Variants in MAPK8 observed in about 807,000 individuals in gnomAD.
The protein encoded by MAPK8 is mitogen-activated protein kinase 8.
MAPK8 carries 13 observed loss-of-function variants against 52.9 expected under a neutral mutation model. The ratio of observed to expected loss-of-function variants is 0.25; its 90% CI spans 0.16 to 0.39. MAPK8 has a LOEUF of 0.39. Ranked by LOEUF, MAPK8 falls within the 10% of genes least tolerant of loss-of-function variation. MAPK8 has a pLI of 1.00. For missense variants in MAPK8, 300 were observed against 519.2 expected, an observed-to-expected ratio of 0.58 and a Z score of 4.10; for synonymous variants, 191 against 169.8, an observed-to-expected ratio of 1.12 and a Z score of -0.97.
Position 48,329,451 on chromosome 10 carries a change from C to T in MAPK8, c.-50+22630C>T, listed in dbSNP as rs533273758. On this transcript the variant is annotated intron_variant, in intron 1 of 11. Transcript: ENST00000374189. The stretch of plus-strand genomic sequence containing the variant: ...AGTTAGTTGGCCCTTTGCTGCAACT[C>T]TGGCCATGAGACAACGTTATCTTGA... 4.6e-5 allele frequency among the ~76,000 whole-genome samples: 7 copies of T among 151,958 alleles called. No homozygotes were observed. The South Asian group carries it at 1.5e-3, about 32-fold the overall frequency.
In MAPK8 at chr10:48,438,547, G is replaced by T. The variant is rs1564642145; in HGVS notation, c.*3518G>T. 1 of 152,158 alleles carries T rather than the reference G, an allele frequency of 6.6e-6. No individual in the cohort carries two copies. The highest frequency in any genetic ancestry group is 2.4e-5 in the African/African-American group (1 of 41,436). 9.4% of individuals were successfully genotyped at this position (152,158 alleles called of 1,614,324 possible). On this transcript the variant is annotated 3_prime_UTR_variant, in exon 12 of 12. Transcript: ENST00000374189. ...GATTCTCTTCGTTACTGAAACTTTT[G>T]AGAAATATTACCTGTGGATTAATTT... is the stretch of plus-strand genomic sequence containing the variant.
At chr10:48,413,196 T>C (rs2042855549) in intron 5 of MAPK8, among the ~76,000 whole-genome samples, 1 of 152,236 alleles carries the variant, frequency 6.6e-6, no homozygotes, top group African/African-American at 2.4e-5. Context: ...CATCAGTCAG[T>C]GGCAATTGGG....
intron 1 of MAPK8, among the ~76,000 whole-genome samples, chr10:48,389,348 A>T (rs575128967): frequency 1.3e-5 from 2 of 152,218 alleles, no homozygotes; most frequent in East Asian, 3.9e-4. Context: ...GTTAGAGCTA[A>T]CCTCATAGTG....
intron 1 of MAPK8, chr10:48,307,264 A>G (rs1841460750): frequency 6.6e-6 from 1 of 152,240 alleles, no homozygotes; most frequent in Non-Finnish European, 1.5e-5. Flanking sequence ...TTCTGCCGGC[A>G]GGTCCCCAAG....
intron 5 of MAPK8, among the ~76,000 whole-genome samples, chr10:48,412,431 A>G (rs1483757698): frequency 1.3e-5 from 2 of 152,138 alleles, no homozygotes; most frequent in East Asian, 3.8e-4. Context: ...AAATAGATTC[A>G]TATCTTTTAT....
intron 1 of MAPK8, among the ~76,000 whole-genome samples, chr10:48,342,347 C>T (rs571303459): frequency 6.6e-6 from 1 of 152,164 alleles, no homozygotes; most frequent in South Asian, 2.1e-4. Flanking sequence ...TCAAGCAGTC[C>T]TCCCACCTCA....
chr10:48,333,095 G>A (rs987895900), intron 1 of MAPK8, among the ~76,000 whole-genome samples: 2 of 152,132 alleles, frequency 1.3e-5, no homozygotes, highest in African/African-American at 4.8e-5. Flanking sequence ...CTTCCCTAAG[G>A]TCTGGTCTAA....
At chr10:48,337,230 T>C (rs72792285) in intron 1 of MAPK8, among the ~76,000 whole-genome samples, 14,870 of 152,136 alleles carry the variant, frequency 0.098, 753 homozygotes, top group Non-Finnish European at 0.11. Context: ...CAAGTCTCAA[T>C]AAATTCAAAA....
intron 1 of MAPK8, among the ~76,000 whole-genome samples, chr10:48,335,582 G>A (rs1164467583): frequency 6.6e-6 from 1 of 151,920 alleles, no homozygotes; most frequent in Non-Finnish European, 1.5e-5. Context: ...TATTTTTCTT[G>A]AAGTGATAGG....
chr10:48,426,116 G>C, intron 8 of MAPK8, 46 bp downstream of exon 8: 1 of 1,502,496 alleles, frequency 6.7e-7, no homozygotes, highest in East Asian at 2.3e-5. Flanking sequence ...GGGGTGTGTA[G>C]TGTGTGTGTA....
intron 1 of MAPK8, among the ~76,000 whole-genome samples, chr10:48,394,756 C>T (rs2041807213): frequency 6.6e-6 from 1 of 151,648 alleles, no homozygotes. Context: ...AATTCAAAGG[C>T]ATTCAAATTG....
chr10:48,394,479 A>G (rs1273649831), intron 1 of MAPK8, among the ~76,000 whole-genome samples: 1 of 152,058 alleles, frequency 6.6e-6, no homozygotes, highest in East Asian at 1.9e-4. Flanking sequence ...TGAACCAACT[A>G]AGAAAGAAAA....
intron 10 of MAPK8, among the ~76,000 whole-genome samples, chr10:48,429,443 A>C (rs1470175910): frequency 2.0e-5 from 3 of 152,212 alleles, no homozygotes; most frequent in Non-Finnish European, 4.4e-5. Context: ...AATTACCCAC[A>C]GACTGCCTTT....
chr10:48,396,300 C>T (rs1298837512), intron 1 of MAPK8, among the ~76,000 whole-genome samples: 1 of 152,022 alleles, frequency 6.6e-6, no homozygotes, highest in African/African-American at 2.4e-5. Flanking sequence ...ACTGAACAGA[C>T]ACTTCACCAA....
intron 5 of MAPK8, among the ~76,000 whole-genome samples, chr10:48,416,846 A>G (rs2043090803): frequency 6.6e-6 from 1 of 152,162 alleles, no homozygotes; most frequent in Non-Finnish European, 1.5e-5. Flanking sequence ...TGGGAGAGTC[A>G]TCTTTTTGCT....
At chr10:48,365,434 T>C (rs1045147658) in intron 1 of MAPK8, among the ~76,000 whole-genome samples, 1 of 152,192 alleles carries the variant, frequency 6.6e-6, no homozygotes, top group African/African-American at 2.4e-5. Context: ...CCCATGACTG[T>C]AAATTTGTAT....
chr10:48,418,843 A>AT (rs2043200120), intron 5 of MAPK8, among the ~76,000 whole-genome samples: 1 of 152,024 alleles, frequency 6.6e-6, no homozygotes, highest in Admixed American at 6.6e-5. Flanking sequence ...TTTGCTCTTA[A>AT]TTTTTTCACA....
intron 1 of MAPK8, among the ~76,000 whole-genome samples, chr10:48,329,814 C>T (rs1835934813): frequency 6.6e-6 from 1 of 152,194 alleles, no homozygotes; most frequent in South Asian, 2.1e-4. Context: ...TTTATCCTTG[C>T]TCTGCTTCTT....
intron 11 of MAPK8, 100 bp from the exon 12 acceptor site, chr10:48,434,784 C>T: frequency 9.2e-7 from 1 of 1,083,664 alleles, no homozygotes; most frequent in Non-Finnish European, 1.3e-6. Context: ...CTTCGAAACC[C>T]AAGAGAAAAA....
Sources: gnomAD v4.1 joint callset for allele counts (sites outside exome capture counted in the v4.1 genomes callset) on GRCh38, gnomAD v4.1.1 for gene constraint, MANE v1.5 for transcripts, NCBI Gene and HGNC (gene_info 2026-07-23, HGNC 2026-07-21) for gene names.